The following FGF14 variants were observed in gnomAD, a reference collection of about 807,000 sequenced individuals.
FGF14 encodes the protein fibroblast growth factor homologous factor 4.
FGF14 carries 5 observed loss-of-function variants against 25.5 expected under a neutral mutation model. The ratio of observed to expected loss-of-function variants is 0.20; its 90% CI spans 0.10 to 0.41. The LOEUF is 0.41. Ranked by LOEUF, FGF14 falls within the 10% of genes least tolerant of loss-of-function variation. The pLI is 1.00. For missense variants in FGF14, 222 were observed against 320.1 expected, an observed-to-expected ratio of 0.69 and a Z score of 2.34; for synonymous variants, 138 against 118.3, an observed-to-expected ratio of 1.17 and a Z score of -1.08.
chr13:101,951,492 A>G (rs972108043), intron 1 of FGF14, among the ~76,000 whole-genome samples: 4 of 152,152 alleles, frequency 2.6e-5, no homozygotes, highest in African/African-American at 9.7e-5. Context: ...TATATTAAAT[A>G]GATTCTAGAA....
chr13:101,815,897 C>T (rs906694142), intron 3 of FGF14, among the ~76,000 whole-genome samples: 6 of 152,110 alleles, frequency 3.9e-5, no homozygotes, highest in African/African-American at 1.4e-4. Context: ...GCCCTCTTAG[C>T]TAGAGACAAG....
At chr13:101,820,767 CACACCACACACCACACACACA>C (rs1566940389) in intron 3 of FGF14, among the ~76,000 whole-genome samples, 1 of 80,068 alleles carries the variant, frequency 1.2e-5, no homozygotes, top group African/African-American at 3.5e-5. Flanking sequence ...AGTACACACA[CACACCACACACCACACACACA>C]CACACACACA....
At chr13:101,755,672 T>C (rs1055036351) in intron 3 of FGF14, among the ~76,000 whole-genome samples, 1 of 152,196 alleles carries the variant, frequency 6.6e-6, no homozygotes, top group African/African-American at 2.4e-5. Flanking sequence ...TCATATCTTA[T>C]CAGTTGACAA....
rs116466063 is a variant in FGF14 at position 102,040,361 on chromosome 13, C to G, written c.209-165065G>C. 6.2e-3 allele frequency among the ~76,000 whole-genome samples: 945 copies of G among 152,130 alleles called. 3 individuals carry two copies. The highest frequency in any genetic ancestry group is 0.019 in the African/African-American group (801 of 41,504). The stretch of plus-strand genomic sequence containing the variant: ...TCTTACATCTCCAGGTATACAATAC[C>G]TTTTTACATAGAGGGTGCTGATTAA... On this transcript the variant is annotated intron_variant, in intron 1 of 4. Transcript: ENST00000376131.
intron 1 of FGF14, among the ~76,000 whole-genome samples, chr13:102,334,988 T>G (rs529133991): frequency 1.3e-5 from 2 of 152,268 alleles, no homozygotes; most frequent in East Asian, 3.9e-4. Context: ...AGCCACATCT[T>G]AGAGTCATTG....
intron 1 of FGF14, among the ~76,000 whole-genome samples, chr13:102,032,372 G>A (rs1263221301): frequency 1.3e-5 from 2 of 152,078 alleles, no homozygotes; most frequent in African/African-American, 4.8e-5. Context: ...TGGGCAACAA[G>A]AGAGGCAAAG....
chr13:102,391,928 G>A (rs2058442070), intron 1 of FGF14, among the ~76,000 whole-genome samples: 1 of 152,188 alleles, frequency 6.6e-6, no homozygotes, highest in African/African-American at 2.4e-5. Flanking sequence ...CTACAAATAA[G>A]TGGCTGTTGA....
rs543924768 is a variant in FGF14, at chr13:101,928,243, C to T, written c.209-52947G>A. On this transcript the variant is annotated intron_variant, in intron 1 of 4. Transcript: ENST00000376131. ...AGGAAGAAAGTCAACCAAATGCAGG[C>T]TTTCGGCTTCATTGATAATAATGAG... Among the ~76,000 whole-genome samples the T allele has an allele frequency of 3.9e-5, 6 of 152,294 alleles. No homozygotes were observed. The East Asian group carries it at 1.2e-3, about 29-fold the overall frequency.
At chr13:102,136,180 AT>A (rs1203513374) in intron 1 of FGF14, among the ~76,000 whole-genome samples, 1 of 152,146 alleles carries the variant, frequency 6.6e-6, no homozygotes, top group Non-Finnish European at 1.5e-5. Context: ...AATATTATTC[AT>A]ATCTAGAATG....
intron 1 of FGF14, among the ~76,000 whole-genome samples, chr13:102,186,459 C>T (rs781624058): frequency 1.3e-4 from 20 of 151,956 alleles, no homozygotes; most frequent in Non-Finnish European, 2.5e-4. Context: ...ACAACAACTA[C>T]AAAACTAAAA....
At chr13:101,983,802 C>A (rs1030353967) in intron 1 of FGF14, among the ~76,000 whole-genome samples, 3 of 152,114 alleles carry the variant, frequency 2.0e-5, no homozygotes, top group African/African-American at 7.2e-5. Context: ...TAAGATAAGG[C>A]CTTGGGTCTG....
In FGF14 at chr13:102,173,972, T is replaced by A. The variant is rs2048343431; in HGVS notation, c.208+227499A>T. Among the ~76,000 whole-genome samples, 5 of 152,072 alleles carry A rather than the reference T, an allele frequency of 3.3e-5. 1 individual carries two copies. In the South Asian group the frequency reaches 1.0e-3, roughly 32 times the overall value. ...CAGGCAAGAGAAAGAATAAAAGGCA[T>A]CCAAATTGGAAAGGAGGAGAATGTC... On this transcript the variant is annotated intron_variant, in intron 1 of 4. Coordinates refer to the FGF14 transcript ENST00000376131.
chr13:102,211,070 T>A (rs1412583054), intron 1 of FGF14, among the ~76,000 whole-genome samples: 2 of 152,158 alleles, frequency 1.3e-5, no homozygotes, highest in African/African-American at 4.8e-5. Flanking sequence ...TCATTTTTTA[T>A]CTTTCTATCT....
intron 1 of FGF14, among the ~76,000 whole-genome samples, chr13:102,365,963 G>T (rs909938155): frequency 6.6e-6 from 1 of 152,036 alleles, no homozygotes; most frequent in South Asian, 2.1e-4. Flanking sequence ...TCTCTCCACT[G>T]TCATTTGCCC....
intron 1 of FGF14, among the ~76,000 whole-genome samples, chr13:101,939,801 T>TA (rs1298893838): frequency 6.6e-6 from 1 of 152,100 alleles, no homozygotes; most frequent in Non-Finnish European, 1.5e-5. Flanking sequence ...GGAAAAAAGT[T>TA]AAAGTCAAAA....
intron 3 of FGF14, among the ~76,000 whole-genome samples, chr13:101,862,329 T>C (rs1366477665): frequency 6.6e-6 from 1 of 152,118 alleles, no homozygotes. Flanking sequence ...TGTTCTATTA[T>C]CTTCTTTCCT....
intron 1 of FGF14, among the ~76,000 whole-genome samples, chr13:102,258,218 G>T (rs935471323): frequency 6.6e-6 from 1 of 152,116 alleles, no homozygotes; most frequent in African/African-American, 2.4e-5. Context: ...CCCATAACAC[G>T]TGGGAATTAT....
At chr13:101,755,688 T>C (rs1430948980) in intron 3 of FGF14, among the ~76,000 whole-genome samples, 1 of 152,166 alleles carries the variant, frequency 6.6e-6, no homozygotes, top group Non-Finnish European at 1.5e-5. Context: ...GACAAACAAT[T>C]AGGCATATTT....
At chr13:102,263,879 A>G (rs1197460182) in intron 1 of FGF14, among the ~76,000 whole-genome samples, 1 of 152,130 alleles carries the variant, frequency 6.6e-6, no homozygotes. Context: ...AAAAAAGTTG[A>G]GTGTCATTTA....
Sources: allele counts gnomAD v4.1 joint callset (sites outside exome capture counted in the v4.1 genomes callset), GRCh38; gene constraint gnomAD v4.1.1; transcripts MANE v1.5; gene names NCBI Gene and HGNC (gene_info 2026-07-23, HGNC 2026-07-21).